Variants in NDFIP2 observed in about 807,000 individuals in gnomAD.
NDFIP2 encodes the protein NEDD4 family-interacting protein 2.
A neutral mutation model predicts 36.0 loss-of-function variants in NDFIP2; 19 were observed. The observed-to-expected ratio is 0.53, with a 90% CI of 0.37 to 0.77. The LOEUF (loss-of-function observed/expected upper bound fraction) is 0.77. Ranked by LOEUF, NDFIP2 falls within the 30% of genes least tolerant of loss-of-function variation. NDFIP2 has a pLI of 0.00. For synonymous variants in NDFIP2, 181 were observed against 167.7 expected (o/e 1.08, Z -0.61); for missense variants, 446 against 435.8 (o/e 1.02, Z -0.21).
rs1277222366 is a variant in NDFIP2, at chr13:79,481,305, G to A, written c.102G>A (p.Ala34=). 2 of 1,541,704 alleles carry A rather than the reference G, an allele frequency of 1.3e-6. No individual in the cohort carries two copies. Among genetic ancestry groups the A allele is most frequent in the African/African-American group, 2.7e-5 (2 of 73,086 alleles). The change falls in exon 1 of 8, where the codon GCG becomes GCA. Residue 34 remains alanine, a synonymous_variant. Transcript: ENST00000218652. Reference sequence around the variant, plus strand: ...TTCTCCGCGGAACCGCGACCAACGCGGAGGTCTCGGCGGCCGCTGCGGGAG... The same window carrying A: ...TTCTCCGCGGAACCGCGACCAACGCAGAGGTCTCGGCGGCCGCTGCGGGAG... ...PELLRGTATN[A]EVSAAAAGAT...
At chr13:79,505,301 A>C (rs1278323651) in intron 1 of NDFIP2, among the ~76,000 whole-genome samples, 1 of 152,156 alleles carries the variant, frequency 6.6e-6, no homozygotes, top group Non-Finnish European at 1.5e-5. Flanking sequence ...TGTTGCTCAC[A>C]ATGTGGGTGT....
intron 1 of NDFIP2, among the ~76,000 whole-genome samples, chr13:79,495,843 G>A (rs1268672430): frequency 1.3e-5 from 2 of 151,526 alleles, no homozygotes; most frequent in African/African-American, 4.9e-5. Context: ...TATTTCTGTT[G>A]CCTTTTAGCT....
At chr13:79,517,259 G>A (rs896903557) in intron 1 of NDFIP2, among the ~76,000 whole-genome samples, 6 of 152,174 alleles carry the variant, frequency 3.9e-5, no homozygotes, top group African/African-American at 1.2e-4. Flanking sequence ...GGCTTTTGAG[G>A]TGATGTATAA....
At chr13:79,483,140 C>G (rs1310873404) in intron 1 of NDFIP2, among the ~76,000 whole-genome samples, 2 of 151,896 alleles carry the variant, frequency 1.3e-5, no homozygotes, top group Admixed American at 6.6e-5. Context: ...GACGATGTGT[C>G]CTACATAGAC....
chr13:79,555,721 A>G lies in NDFIP2; in HGVS notation c.*3208A>G, dbSNP rs1330877887. On this transcript the variant is annotated 3_prime_UTR_variant, in exon 8 of 8. Transcript: ENST00000218652. ...ATTCTTCAAATAGTCATATGAAAAC[A>G]TATATTTGATAAAGGTCAATTGTTA... 8 of 152,262 alleles carry G rather than the reference A, an allele frequency of 5.3e-5. No homozygotes were observed. In the South Asian group the frequency reaches 1.5e-3, roughly 28 times the overall value. 9.4% of individuals were successfully genotyped at this position (152,262 alleles called of 1,614,324 possible).
intron 1 of NDFIP2, among the ~76,000 whole-genome samples, chr13:79,513,740 A>T (rs1203192785): frequency 6.6e-6 from 1 of 151,514 alleles, no homozygotes; most frequent in African/African-American, 2.4e-5. Flanking sequence ...ATTAAGGATT[A>T]GGAGATCAGC....
At chr13:79,551,428 C>G (rs1875906440) in intron 7 of NDFIP2, among the ~76,000 whole-genome samples, 1 of 151,140 alleles carries the variant, frequency 6.6e-6, no homozygotes, top group Non-Finnish European at 1.5e-5. Context: ...TATGAAGTAA[C>G]CACCAGCACA....
chr13:79,516,252 T>C (rs573129594), intron 1 of NDFIP2, among the ~76,000 whole-genome samples: 1 of 152,078 alleles, frequency 6.6e-6, no homozygotes, highest in Non-Finnish European at 1.5e-5. Context: ...AGTTTTTGTT[T>C]TGTTTTGTTT....
chr13:79,546,128 T>C (rs17071585), intron 5 of NDFIP2, among the ~76,000 whole-genome samples: 10,177 of 152,250 alleles, frequency 0.067, 718 homozygotes, highest in African/African-American at 0.17. Flanking sequence ...ACTTTGACTT[T>C]TACTATAATG....
chr13:79,501,941 A>C (rs1173498292), intron 1 of NDFIP2, among the ~76,000 whole-genome samples: 1 of 152,090 alleles, frequency 6.6e-6, no homozygotes, highest in Admixed American at 6.6e-5. Flanking sequence ...CCTCTTGCTG[A>C]AGTCATACTT....
chr13:79,505,136 GA>G (rs1566657303), intron 1 of NDFIP2, among the ~76,000 whole-genome samples: 1 of 152,204 alleles, frequency 6.6e-6, no homozygotes, highest in Non-Finnish European at 1.5e-5. Context: ...ATCAGTGGGA[GA>G]AAACTGACCA....
At position 79,481,184 on chromosome 13, in the gene NDFIP2, C is replaced by G. The variant is rs1225310670; in HGVS notation, c.-20C>G. ...TTCCATCTCCTCCCACCCAGCTATA[C>G]CCTCCCACTGGCGGCGCGGATGGCA... On this transcript the variant is annotated 5_prime_UTR_variant, in exon 1 of 8. Transcript: ENST00000218652. 1 of 1,495,616 alleles carries G rather than the reference C, an allele frequency of 6.7e-7. No individual in the cohort carries two copies. Among genetic ancestry groups the G allele is most frequent in the Admixed American group, 2.2e-5 (1 of 45,016 alleles). 92.6% of individuals were successfully genotyped at this position (1,495,616 alleles called of 1,614,324 possible).
intron 1 of NDFIP2, among the ~76,000 whole-genome samples, chr13:79,513,802 T>A (rs74100706): frequency 0.011 from 1,718 of 152,254 alleles, 34 homozygotes; most frequent in African/African-American, 0.04. Context: ...AAGTCATAAT[T>A]GTAGGACAGA....
chr13:79,543,702 GT>G lies in NDFIP2; in HGVS notation c.840+21del, dbSNP rs1241795725. On this transcript the variant is annotated intron_variant, in intron 5 of 7. Coordinates refer to ENST00000218652, the MANE Select transcript of NDFIP2 (RefSeq NM_019080.3). ...GTCAGGGTGAGTGTCTTGATAGCCT[GT>G]ATCTCTTTTATCTCTAAAATGAGAT... 22 of 1,608,772 alleles carry G rather than the reference GT, an allele frequency of 1.4e-5. No individual in the cohort carries two copies. The highest frequency in any genetic ancestry group is 1.9e-5 in the Non-Finnish European group (22 of 1,178,442).
intron 1 of NDFIP2, among the ~76,000 whole-genome samples, chr13:79,511,373 G>GT (rs749747690): frequency 1.3e-5 from 2 of 152,186 alleles, no homozygotes; most frequent in Non-Finnish European, 2.9e-5. Context: ...AAAGACTTGG[G>GT]TGATGTGGGG....
intron 1 of NDFIP2, among the ~76,000 whole-genome samples, chr13:79,513,139 GGTACCAACCA>G (rs1381009080): frequency 6.6e-6 from 1 of 152,132 alleles, no homozygotes; most frequent in African/African-American, 2.4e-5. Context: ...ATGCTGGCTG[GGTACCAACCA>G]GTTGCCATGC....
At chr13:79,484,130 C>T (rs1171230403) in intron 1 of NDFIP2, among the ~76,000 whole-genome samples, 1 of 152,010 alleles carries the variant, frequency 6.6e-6, no homozygotes, top group African/African-American at 2.4e-5. Flanking sequence ...ATTTTCCTGC[C>T]TCAGCCTCCT....
intron 4 of NDFIP2, among the ~76,000 whole-genome samples, chr13:79,542,917 C>T (rs554028192): frequency 1.3e-5 from 2 of 151,026 alleles, no homozygotes; most frequent in Admixed American, 6.6e-5. Context: ...TGCTCTGTTG[C>T]CCACATTCCA....
chr13:79,502,834 C>G (rs1294310686), intron 1 of NDFIP2, among the ~76,000 whole-genome samples: 1 of 150,210 alleles, frequency 6.7e-6, no homozygotes, highest in Non-Finnish European at 1.5e-5. Flanking sequence ...AAGAAGGGAG[C>G]TATGGAAATA....
Sources: allele counts gnomAD v4.1 joint callset (sites outside exome capture counted in the v4.1 genomes callset), GRCh38; gene constraint gnomAD v4.1.1; transcripts MANE v1.5; gene names NCBI Gene and HGNC (gene_info 2026-07-23, HGNC 2026-07-21).